STPG2: variants seen among roughly 807,000 people sequenced by gnomAD.
STPG2 encodes the protein sperm-tail PG-rich repeat-containing protein 2.
STPG2 carries 56 observed loss-of-function variants against 54.2 expected under a neutral mutation model. The ratio of observed to expected loss-of-function variants is 1.03; its 90% confidence interval spans 0.83 to 1.29. The LOEUF is 1.29. Ranked by LOEUF, STPG2 falls within the 50% of genes most tolerant of loss-of-function variation. STPG2 has a pLI of 0.00. For missense variants in STPG2, 596 were observed against 544.9 expected, an observed-to-expected ratio of 1.09 and a Z score of -0.93; for synonymous variants, 200 against 181.8, an observed-to-expected ratio of 1.10 and a Z score of -0.81.
intron 8 of STPG2, among the ~76,000 whole-genome samples, chr4:97,885,496 T>C (rs1215471317): frequency 1.3e-5 from 2 of 152,218 alleles, no homozygotes; most frequent in East Asian, 1.9e-4. Context: ...ATTGGTGATA[T>C]TCAATTGACC....
intron 4 of STPG2, among the ~76,000 whole-genome samples, chr4:97,540,396 A>G (rs1731665294): frequency 6.6e-6 from 1 of 152,212 alleles, no homozygotes; most frequent in Non-Finnish European, 1.5e-5. Flanking sequence ...AAATTCCTCG[A>G]CACATACACC....
At chr4:97,850,801 T>C (rs1167556656) in intron 8 of STPG2, among the ~76,000 whole-genome samples, 1 of 152,154 alleles carries the variant, frequency 6.6e-6, no homozygotes, top group Non-Finnish European at 1.5e-5. Context: ...AAAAAAGTAG[T>C]TGCTTTACTT....
intron 10 of STPG2, among the ~76,000 whole-genome samples, chr4:97,684,469 T>G (rs1477699705): frequency 6.6e-6 from 1 of 151,856 alleles, no homozygotes; most frequent in Non-Finnish European, 1.5e-5. Context: ...GGAGAAAACA[T>G]TTCAGTGGAG....
intron 4 of STPG2, among the ~76,000 whole-genome samples, chr4:97,478,350 G>A (rs1730128885): frequency 6.6e-6 from 1 of 152,122 alleles, no homozygotes; most frequent in Non-Finnish European, 1.5e-5. Context: ...GAAAAATGTA[G>A]GGCTTAGGAG....
intron 10 of STPG2, among the ~76,000 whole-genome samples, chr4:97,660,289 C>A (rs992687664): frequency 6.6e-6 from 1 of 152,226 alleles, no homozygotes; most frequent in Non-Finnish European, 1.5e-5. Flanking sequence ...GCGTGAGCCA[C>A]CGCGCCGGCC....
chr4:97,741,815 A>G (rs1034218556), intron 9 of STPG2, among the ~76,000 whole-genome samples: 6 of 152,072 alleles, frequency 3.9e-5, no homozygotes, highest in African/African-American at 1.2e-4. Context: ...GCGATTCCTC[A>G]GGGATCTAGA....
chr4:97,520,609 C>T (rs1040228452), intron 4 of STPG2, among the ~76,000 whole-genome samples: 2 of 151,928 alleles, frequency 1.3e-5, no homozygotes, highest in African/African-American at 2.4e-5. Context: ...TTTTTAAGTT[C>T]CTGGTCTAGA....
chr4:97,837,584 T>C (rs1252654870), intron 9 of STPG2, among the ~76,000 whole-genome samples: 1 of 151,676 alleles, frequency 6.6e-6, no homozygotes, highest in Admixed American at 6.6e-5. Flanking sequence ...ATAAGCCTCA[T>C]TTAATTATTT....
chr4:97,545,000 G>A (rs1178151688), intron 4 of STPG2, among the ~76,000 whole-genome samples: 1 of 152,078 alleles, frequency 6.6e-6, no homozygotes, highest in Admixed American at 6.6e-5. Flanking sequence ...TCTAGAGAGT[G>A]CTTCTCCAAT....
At chr4:97,984,522 A>G (rs1382130343) in intron 5 of STPG2, among the ~76,000 whole-genome samples, 1 of 152,130 alleles carries the variant, frequency 6.6e-6, no homozygotes, top group African/African-American at 2.4e-5. Context: ...GTCAAATACT[A>G]TGGTTACCTG....
At chr4:97,768,430 A>C (rs1726123809) in intron 9 of STPG2, among the ~76,000 whole-genome samples, 8 of 152,180 alleles carry the variant, frequency 5.3e-5, no homozygotes, top group Admixed American at 4.6e-4. Context: ...TTTTATTGGG[A>C]GACAGTGGTG....
chr4:97,618,981 A>G (rs914674241), intron 10 of STPG2, among the ~76,000 whole-genome samples: 17 of 152,218 alleles, frequency 1.1e-4, no homozygotes, highest in Non-Finnish European at 1.6e-4. Flanking sequence ...TACAAACATC[A>G]GTTCAAAAGT....
intron 4 of STPG2, among the ~76,000 whole-genome samples, chr4:97,477,450 T>C (rs1330536497): frequency 6.6e-6 from 1 of 151,828 alleles, no homozygotes; most frequent in Non-Finnish European, 1.5e-5. Context: ...TCAGGTGTTC[T>C]TTATGATGGT....
chr4:97,701,509 T>C (rs1723773560), intron 10 of STPG2, among the ~76,000 whole-genome samples: 1 of 152,130 alleles, frequency 6.6e-6, no homozygotes, highest in Non-Finnish European at 1.5e-5. Flanking sequence ...GAAAAAAGAT[T>C]AACAGCATAA....
chr4:98,128,154 A>G (rs1384229357), intron 3 of STPG2, among the ~76,000 whole-genome samples: 1 of 152,206 alleles, frequency 6.6e-6, no homozygotes, highest in African/African-American at 2.4e-5. Context: ...AAGGCCCTAG[A>G]GGATGACAGA....
intron 8 of STPG2, among the ~76,000 whole-genome samples, chr4:97,888,369 G>C (rs1434580167): frequency 6.6e-6 from 1 of 152,220 alleles, no homozygotes; most frequent in African/African-American, 2.4e-5. Context: ...AAGGGGTGGA[G>C]CTGCCCAAGA....
chr4:97,795,587 G>C (rs1727144016), intron 9 of STPG2, among the ~76,000 whole-genome samples: 5 of 152,270 alleles, frequency 3.3e-5, no homozygotes, highest in Admixed American at 1.3e-4. Context: ...TCTTAATCCA[G>C]TCTATCATAC....
intron 5 of STPG2, among the ~76,000 whole-genome samples, chr4:98,013,441 C>T (rs754157407): frequency 6.6e-6 from 1 of 152,104 alleles, no homozygotes; most frequent in African/African-American, 2.4e-5. Flanking sequence ...GTTTTGGTAT[C>T]AGGGTGATGC....
At chr4:97,533,361 T>C (rs1578367866) in intron 4 of STPG2, among the ~76,000 whole-genome samples, 3 of 152,172 alleles carry the variant, frequency 2.0e-5, no homozygotes, top group Non-Finnish European at 4.4e-5. Context: ...CCTTATGGAA[T>C]GAATTTTTTT....
Sources: allele counts gnomAD v4.1 joint callset (sites outside exome capture counted in the v4.1 genomes callset), GRCh38; gene constraint gnomAD v4.1.1; transcripts MANE v1.5; gene names NCBI Gene and HGNC (gene_info 2026-07-23, HGNC 2026-07-21).